SPSB1: variants seen among roughly 807,000 people sequenced by gnomAD.
SPSB1 encodes splA/ryanodine receptor domain and SOCS box containing 1.
SPSB1 carries 8 observed loss-of-function variants against 21.2 expected under a neutral mutation model. The ratio of observed to expected loss-of-function variants is 0.38; its 90% CI spans 0.22 to 0.68. The LOEUF (loss-of-function observed/expected upper bound fraction) is 0.68. Among genes scored for constraint, SPSB1 ranks in the 30% least tolerant of loss-of-function variants. SPSB1 has a pLI of 0.53. For synonymous variants in SPSB1, 169 were observed against 161.7 expected, an observed-to-expected ratio of 1.05 and a Z score of -0.34; for missense variants, 242 against 377.8, an observed-to-expected ratio of 0.64 and a Z score of 2.98.
At chr1:9,334,350 T>C (rs998042694) in intron 1 of SPSB1, among the ~76,000 whole-genome samples, 6 of 152,090 alleles carry the variant, frequency 3.9e-5, no homozygotes, top group Non-Finnish European at 7.4e-5. Flanking sequence ...CCTGTCAAAG[T>C]GCTGGGATTA....
chr1:9,303,629 G>A (rs1207774941), intron 1 of SPSB1, among the ~76,000 whole-genome samples: 2 of 152,328 alleles, frequency 1.3e-5, no homozygotes, highest in East Asian at 3.9e-4. Context: ...GAGGAGAGAG[G>A]AGTGAATAGC....
intron 2 of SPSB1, among the ~76,000 whole-genome samples, chr1:9,359,983 C>G (rs1314725331): frequency 6.6e-6 from 1 of 152,196 alleles, no homozygotes; most frequent in African/African-American, 2.4e-5. Flanking sequence ...GCGGGGGCTG[C>G]TGACCCGAGA....
chr1:9,329,279 CGGATGGGT>C (rs771631342), intron 1 of SPSB1, among the ~76,000 whole-genome samples: 14 of 151,946 alleles, frequency 9.2e-5, no homozygotes, highest in Non-Finnish European at 1.6e-4. Flanking sequence ...GGTGAGATCC[CGGATGGGT>C]GGATGGGTGG....
At chr1:9,347,967 CAG>C (rs1164022701) in intron 1 of SPSB1, among the ~76,000 whole-genome samples, 1 of 118,922 alleles carries the variant, frequency 8.4e-6, no homozygotes, top group Non-Finnish European at 1.8e-5. Context: ...TTTTTTTAAA[CAG>C]AATCTCGCTC....
chr1:9,344,882 C>G (rs1640145966), intron 1 of SPSB1, among the ~76,000 whole-genome samples: 1 of 152,052 alleles, frequency 6.6e-6, no homozygotes, highest in Non-Finnish European at 1.5e-5. Context: ...TGAGGGTGAC[C>G]CAAGGACCAC....
chr1:9,337,882 A>G (rs992845921), intron 1 of SPSB1, among the ~76,000 whole-genome samples: 1 of 152,112 alleles, frequency 6.6e-6, no homozygotes, highest in Non-Finnish European at 1.5e-5. Flanking sequence ...CAGACCCAAG[A>G]GCACCTTTAG....
At chr1:9,341,025 T>G (rs969168184) in intron 1 of SPSB1, among the ~76,000 whole-genome samples, 1 of 152,320 alleles carries the variant, frequency 6.6e-6, no homozygotes, top group African/African-American at 2.4e-5. Context: ...TGTCTCTTCC[T>G]CCTCGGGCCC....
At chr1:9,304,634 G>A (rs1569570958) in intron 1 of SPSB1, among the ~76,000 whole-genome samples, 2 of 152,018 alleles carry the variant, frequency 1.3e-5, no homozygotes, top group African/African-American at 4.8e-5. Context: ...CAGGTGCCTC[G>A]GGTTCCCAGC....
intron 1 of SPSB1, among the ~76,000 whole-genome samples, chr1:9,328,092 A>G (rs954450050): frequency 6.6e-6 from 1 of 152,248 alleles, no homozygotes; most frequent in Non-Finnish European, 1.5e-5. Context: ...GGTGATGAAC[A>G]GCCCCTTACC....
rs1427546694 is a variant in SPSB1, at chr1:9,358,572, TCTTG to T, written c.694+1988_694+1991del. Among the ~76,000 whole-genome samples the T allele has an allele frequency of 2.0e-5, 3 of 152,282 alleles. No individual in the cohort carries two copies. The East Asian group carries it at 5.8e-4, about 29-fold the overall frequency. ...GGCATATCCTGCCTAGGACCTAGAA[TCTTG>T]AGGAGCCCTGACCCTCAGCCCTGCC... is the stretch of plus-strand genomic sequence containing the variant. On this transcript the variant is annotated intron_variant, in intron 2 of 2. Coordinates refer to ENST00000328089, the MANE Select transcript of SPSB1 (RefSeq NM_025106.4).
chr1:9,321,190 T>A lies in SPSB1; in HGVS notation c.-150+28119T>A, dbSNP rs915478723. Among the ~76,000 whole-genome samples, 16 of 151,620 alleles carry A rather than the reference T, an allele frequency of 1.1e-4. No homozygotes were observed. Among genetic ancestry groups the A allele is most frequent in the African/African-American group, 3.9e-4 (16 of 41,252 alleles). On this transcript the variant is annotated intron_variant, in intron 1 of 2. Coordinates refer to ENST00000328089, the MANE Select transcript of SPSB1 (RefSeq NM_025106.4). This position sits in a 1 kb window ranked among gnomAD's most constrained non-coding sequence, Gnocchi z 4.8. ...AAAAAGCTCTTAAACCTTCTTAGTT[T>A]AGTCTGCAGAGGCGTCTCAGGCGGT...
chr1:9,326,187 TG>T (rs1485747135), intron 1 of SPSB1, among the ~76,000 whole-genome samples: 1 of 151,880 alleles, frequency 6.6e-6, no homozygotes, highest in African/African-American at 2.4e-5. Flanking sequence ...GTTGAGGTTT[TG>T]GTGCTCATGA....
intron 1 of SPSB1, among the ~76,000 whole-genome samples, chr1:9,306,429 G>A (rs1228020641): frequency 6.6e-6 from 1 of 152,146 alleles, no homozygotes; most frequent in African/African-American, 2.4e-5. Flanking sequence ...CATGGACCGG[G>A]GTCTGTCTAT....
At chr1:9,333,300 C>T (rs1445979615) in intron 1 of SPSB1, among the ~76,000 whole-genome samples, 1 of 150,830 alleles carries the variant, frequency 6.6e-6, no homozygotes, top group Non-Finnish European at 1.5e-5. Context: ...ACTTCTACTT[C>T]CTGTCAGTTC....
chr1:9,322,601 T>A (rs1190606195), intron 1 of SPSB1, among the ~76,000 whole-genome samples: 1 of 152,104 alleles, frequency 6.6e-6, no homozygotes, highest in African/African-American at 2.4e-5. Context: ...CCCTGAGAAG[T>A]GGCATCGTTG....
chr1:9,316,712 G>A lies in SPSB1; in HGVS notation c.-150+23641G>A, dbSNP rs915762652. Among the ~76,000 whole-genome samples the A allele has an allele frequency of 1.1e-4, 17 of 152,336 alleles. No homozygotes were observed. In the East Asian group the frequency reaches 2.7e-3, roughly 24 times the overall value. On this transcript the variant is annotated intron_variant, in intron 1 of 2. Transcript: ENST00000328089. Reference sequence around the variant, plus strand: ...TTCCTGTGGCGCGGCACGGGCCTTCGTCAGGACCACGGCTGCTTCTCCAGG... The same window carrying A: ...TTCCTGTGGCGCGGCACGGGCCTTCATCAGGACCACGGCTGCTTCTCCAGG...
chr1:9,339,840 T>C (rs1049705007), intron 1 of SPSB1, among the ~76,000 whole-genome samples: 3 of 152,222 alleles, frequency 2.0e-5, no homozygotes, highest in Admixed American at 6.5e-5. Context: ...CAGGGGAAGC[T>C]GCCTGCTCCT....
At chr1:9,357,485 T>C (rs1034508853) in intron 2 of SPSB1, among the ~76,000 whole-genome samples, 1 of 152,220 alleles carries the variant, frequency 6.6e-6, no homozygotes, top group Non-Finnish European at 1.5e-5. Flanking sequence ...CTGGGGTTTG[T>C]AACCTTGGGG....
At position 9,363,164 on chromosome 1, in the gene SPSB1, C is replaced by T. The variant is rs1014021734; in HGVS notation, c.695-4284C>T. Among the ~76,000 whole-genome samples, 3 of 152,192 alleles carry T rather than the reference C, an allele frequency of 2.0e-5. No homozygotes were observed. Among genetic ancestry groups the T allele is most frequent in the Non-Finnish European group, 4.4e-5 (3 of 68,038 alleles). On this transcript the variant is annotated intron_variant, in intron 2 of 2. Coordinates refer to ENST00000328089, the MANE Select transcript of SPSB1 (RefSeq NM_025106.4). This position sits in a 1 kb window ranked among gnomAD's most constrained non-coding sequence, Gnocchi z 4.5. Reference sequence around the variant, plus strand: ...GTGGCCATGCATTCTTGGTCTCTGCCCAGCCTTTGGAAAGCAGTTAGACCG... The same window carrying T: ...GTGGCCATGCATTCTTGGTCTCTGCTCAGCCTTTGGAAAGCAGTTAGACCG...
Sources: gnomAD v4.1 joint callset for allele counts (sites outside exome capture counted in the v4.1 genomes callset) on GRCh38, gnomAD v4.1.1 for gene constraint, Gnocchi (gnomAD v3.1) non-coding constraint, MANE v1.5 for transcripts, NCBI Gene and HGNC (gene_info 2026-07-23, HGNC 2026-07-21) for gene names.